The following PARD6G variants were observed in gnomAD, a reference collection of about 807,000 sequenced individuals.
The protein encoded by PARD6G is partitioning defective 6 homolog gamma.
In PARD6G, 7 loss-of-function variants were observed where a neutral mutation model predicts 10.7. The observed-to-expected ratio is 0.66, with a 90% CI of 0.37 to 1.23. PARD6G has a LOEUF of 1.23. PARD6G is among the 50% of genes most tolerant of loss of function. PARD6G has a pLI of 0.02. For missense variants in PARD6G, 548 were observed against 571.8 expected (o/e 0.96, Z 0.42); for synonymous variants, 287 against 269.4 (o/e 1.07, Z -0.64).
At chr18:80,206,410 A>C (rs1967054409) in intron 1 of PARD6G, among the ~76,000 whole-genome samples, 2 of 152,248 alleles carry the variant, frequency 1.3e-5, no homozygotes, top group African/African-American at 4.8e-5. Context: ...GGTATAATTC[A>C]TTGTCACATA....
At chr18:80,219,915 A>G (rs1264319186) in intron 1 of PARD6G, among the ~76,000 whole-genome samples, 1 of 152,090 alleles carries the variant, frequency 6.6e-6, no homozygotes, top group Non-Finnish European at 1.5e-5. Flanking sequence ...AAACTGTTCC[A>G]ACCTCTGCCT....
chr18:80,208,130 AC>A (rs1485598412), intron 1 of PARD6G, among the ~76,000 whole-genome samples: 2 of 152,094 alleles, frequency 1.3e-5, no homozygotes, highest in Non-Finnish European at 2.9e-5. Flanking sequence ...GTATCAAATC[AC>A]TGCAGCATTT....
rs1002815343 is a variant in PARD6G at position 80,183,603 on chromosome 18, C to T, written c.295+19107G>A. ...CCACTTCATCCTGCTTCATCAGTCT[C>T]TGAAGCTGAGAGAACACCCTTGTTT... is the stretch of plus-strand genomic sequence containing the variant. On this transcript the variant is annotated intron_variant, in intron 2 of 2. Transcript: ENST00000353265. The surrounding 1 kb of genome is among the most constrained non-coding windows in gnomAD (Gnocchi z 4.5). 1 of 162,298 alleles carries T rather than the reference C, an allele frequency of 6.2e-6. No homozygotes were observed. Among genetic ancestry groups the T allele is most frequent in the Non-Finnish European group, 1.3e-5 (1 of 74,566 alleles). The allele number at this position is 162,298 out of a possible 1,614,324, so 10.1% of individuals were successfully genotyped here.
intron 2 of PARD6G, among the ~76,000 whole-genome samples, chr18:80,176,172 C>T (rs758930811): frequency 2.0e-5 from 3 of 152,008 alleles, no homozygotes; most frequent in Non-Finnish European, 2.9e-5. Flanking sequence ...GGAAAGTATC[C>T]GTGGTATAGA....
intron 1 of PARD6G, among the ~76,000 whole-genome samples, chr18:80,225,285 AC>A (rs1361628685): frequency 6.6e-6 from 1 of 151,950 alleles, no homozygotes; most frequent in Non-Finnish European, 1.5e-5. Context: ...ACTAGGGAGG[AC>A]CCTTAGGGCC....
At position 80,180,422 on chromosome 18, in the gene PARD6G, A is replaced by ACAGAGGCT. The variant is rs2052842331; in HGVS notation, c.296-19824_296-19817dup. On this transcript the variant is annotated intron_variant, in intron 2 of 2. Transcript: ENST00000353265. This position sits in a 1 kb window ranked among gnomAD's most constrained non-coding sequence, Gnocchi z 5.6. Reference sequence around the variant, plus strand: ...TGCTCTTCCTGGGGGCTGTGGCCTCACAGAGGCTCCCAGGCTACACTGGAG... The same window carrying ACAGAGGCT: ...TGCTCTTCCTGGGGGCTGTGGCCTCACAGAGGCTCAGAGGCTCCCAGGCTACACTGGAG... Among the ~76,000 whole-genome samples, 1 of 152,108 alleles carries ACAGAGGCT rather than the reference A, an allele frequency of 6.6e-6. No individual in the cohort carries two copies.
rs1184922863 is a variant in PARD6G, at chr18:80,183,111, G to C, written c.295+19599C>G. ...AAGTCCCCCTTTCAAACCAAGATTT[G>C]AGCTGAAGAGTCAGGTTCCTGGTCG... On this transcript the variant is annotated intron_variant, in intron 2 of 2. Transcript: ENST00000353265. This position sits in a 1 kb window ranked among gnomAD's most constrained non-coding sequence, Gnocchi z 4.5. The C allele has an allele frequency of 2.8e-6, 2 of 702,942 alleles. No individual in the cohort carries two copies. The highest frequency in any genetic ancestry group is 5.2e-6 in the Non-Finnish European group (2 of 385,000). The allele number at this position is 702,942 out of a possible 1,614,324, so 43.5% of individuals were successfully genotyped here. A position where few individuals can be genotyped will look rare whatever the true frequency, so the allele number is the denominator to read the frequency against.
At chr18:80,195,589 CT>C (rs1426445815) in intron 2 of PARD6G, among the ~76,000 whole-genome samples, 1 of 52,680 alleles carries the variant, frequency 1.9e-5, no homozygotes, top group East Asian at 4.1e-4. Context: ...ATTTTTTTTT[CT>C]TTTTTTTTCT....
intron 2 of PARD6G, among the ~76,000 whole-genome samples, chr18:80,176,673 C>G (rs1170556222): frequency 6.6e-6 from 1 of 152,142 alleles, no homozygotes; most frequent in Non-Finnish European, 1.5e-5. Flanking sequence ...AATAAAAGTA[C>G]AAGTCAGCCT....
chr18:80,215,640 TA>T (rs1409974346), intron 1 of PARD6G, among the ~76,000 whole-genome samples: 1 of 151,730 alleles, frequency 6.6e-6, no homozygotes, highest in Admixed American at 6.6e-5. Context: ...GAAAATACAG[TA>T]AAAAGAAACA....
At chr18:80,178,863 A>G (rs1447126738) in intron 2 of PARD6G, among the ~76,000 whole-genome samples, 1 of 152,038 alleles carries the variant, frequency 6.6e-6, no homozygotes, top group Non-Finnish European at 1.5e-5. Context: ...GGTCCACCCA[A>G]AACAGTGTGA....
At position 80,182,788 on chromosome 18, in the gene PARD6G, G is replaced by T. The variant is rs758022371; in HGVS notation, c.295+19922C>A. The T allele has an allele frequency of 3.1e-4, 89 of 288,742 alleles. No homozygotes were observed. Among genetic ancestry groups the T allele is most frequent in the Non-Finnish European group, 5.2e-4 (80 of 154,674 alleles). 17.9% of individuals were successfully genotyped at this position (288,742 alleles called of 1,614,324 possible). A position where few individuals can be genotyped will look rare whatever the true frequency, so the allele number is the denominator to read the frequency against. The stretch of plus-strand genomic sequence containing the variant: ...CATCCACGGGGCTTATCAAAGCTCT[G>T]TTTTATTCTTTTAAAAATGACAAGT... On this transcript the variant is annotated intron_variant, in intron 2 of 2. Transcript: ENST00000353265. The surrounding 1 kb of genome is among the most constrained non-coding windows in gnomAD (Gnocchi z 4.5).
rs551939051 is a variant in PARD6G at position 80,181,996 on chromosome 18, G to C, written c.295+20714C>G. Among the ~76,000 whole-genome samples the C allele has an allele frequency of 6.6e-6, 1 of 152,280 alleles. No individual in the cohort carries two copies. The highest frequency in any genetic ancestry group is 1.9e-4 in the East Asian group (1 of 5,180). The stretch of plus-strand genomic sequence containing the variant: ...AGAGTTCAGAGCTCTCGCAGGCCTC[G>C]TGTTCAACTCCTCATCTTGCCACCT... On this transcript the variant is annotated intron_variant, in intron 2 of 2. Transcript: ENST00000353265. This position sits in a 1 kb window ranked among gnomAD's most constrained non-coding sequence, Gnocchi z 7.9.
rs2052699955 is a variant in PARD6G, at chr18:80,161,401, G to T, written c.296-795C>A. ...TGCCAGCCTGTGGCATGACACATTTGTGGCAGTGTGTAAACTTTACCCTAA... is the reference window on the plus strand; with the variant it reads ...TGCCAGCCTGTGGCATGACACATTTTTGGCAGTGTGTAAACTTTACCCTAA... On this transcript the variant is annotated intron_variant, in intron 2 of 2. Transcript: ENST00000353265. The surrounding 1 kb of genome is among the most constrained non-coding windows in gnomAD (Gnocchi z 4.6). Among the ~76,000 whole-genome samples, 1 of 152,098 alleles carries T rather than the reference G, an allele frequency of 6.6e-6. No individual in the cohort carries two copies. The highest frequency in any genetic ancestry group is 2.4e-5 in the African/African-American group (1 of 41,412).
rs1967567714 is a variant in PARD6G at position 80,247,413 on chromosome 18, G to A, written c.-65C>T. ...TCAGGGGCCGCAGAAAGACTCCCGG[G>A]GGCGGCGCCCCCAGGCCCCGGCCCC... On this transcript the variant is annotated 5_prime_UTR_variant, in exon 1 of 3. Transcript: ENST00000353265. This position sits in a 1 kb window ranked among gnomAD's most constrained non-coding sequence, Gnocchi z 4.2. 5.1e-6 allele frequency: 7 copies of A among 1,382,804 alleles called. No homozygotes were observed. Among genetic ancestry groups the A allele is most frequent in the South Asian group, 1.4e-5 (1 of 71,164 alleles). The allele number at this position is 1,382,804 out of a possible 1,614,324, so 85.7% of individuals were successfully genotyped here.
intron 2 of PARD6G, chr18:80,185,064 C>A (rs1477109285): frequency 6.6e-6 from 1 of 152,138 alleles, no homozygotes; most frequent in African/African-American, 2.4e-5. Context: ...TGTGAGAGAG[C>A]CTAATCTTTT....
At chr18:80,194,828 C>T (rs959054211) in intron 2 of PARD6G, among the ~76,000 whole-genome samples, 1 of 152,056 alleles carries the variant, frequency 6.6e-6, no homozygotes, top group African/African-American at 2.4e-5. Flanking sequence ...GAGAAACCTG[C>T]GTGTGAGGTG....
At position 80,200,718 on chromosome 18, in the gene PARD6G, G is replaced by A. The variant is rs184533576; in HGVS notation, c.295+1992C>T. ...GGAAGAAGGAAAAATAAATGATGAA[G>A]ACTGAACACAGGGCCCCAGCCAGCA... On this transcript the variant is annotated intron_variant, in intron 2 of 2. Transcript: ENST00000353265. This position sits in a 1 kb window ranked among gnomAD's most constrained non-coding sequence, Gnocchi z 4.4. 3.9e-5 allele frequency among the ~76,000 whole-genome samples: 6 copies of A among 152,270 alleles called. No individual in the cohort carries two copies. Among genetic ancestry groups the A allele is most frequent in the African/African-American group, 1.4e-4 (6 of 41,548 alleles).
At chr18:80,179,667 C>T (rs577371612) in intron 2 of PARD6G, among the ~76,000 whole-genome samples, 2 of 152,356 alleles carry the variant, frequency 1.3e-5, no homozygotes, top group South Asian at 4.1e-4. Context: ...TCACTGCTGC[C>T]CCTGGCCACT....
Sources: allele counts gnomAD v4.1 joint callset (sites outside exome capture counted in the v4.1 genomes callset), GRCh38; gene constraint gnomAD v4.1.1; non-coding constraint Gnocchi (gnomAD v3.1); transcripts MANE v1.5; gene names NCBI Gene and HGNC (gene_info 2026-07-23, HGNC 2026-07-21).